HERC2: variants seen among roughly 807,000 people sequenced by gnomAD.
The protein encoded by HERC2 is E3 ubiquitin-protein ligase HERC2.
HERC2 carries 102 observed loss-of-function variants against 537.7 expected under a neutral mutation model. That is an observed-to-expected ratio of 0.19 (90% CI 0.16 to 0.22). HERC2 has a LOEUF of 0.22. Among genes scored for constraint, HERC2 ranks in the 10% least tolerant of loss-of-function variants. The pLI is 1.00. For missense variants in HERC2, 4,236 were observed against 6,198.2 expected (o/e 0.68, Z 10.63); for synonymous variants, 2,224 against 2,466.2 (o/e 0.90, Z 2.91).
chr15:28,188,121 GA>G (rs1237839102), intron 55 of HERC2, among the ~76,000 whole-genome samples: 1 of 150,748 alleles, frequency 6.6e-6, no homozygotes, highest in Non-Finnish European at 1.5e-5. Flanking sequence ...TCTTTAGCAA[GA>G]AAAAAAACCA....
intron 2 of HERC2, among the ~76,000 whole-genome samples, chr15:28,308,033 G>C (rs2076839720): frequency 6.6e-6 from 1 of 151,554 alleles, no homozygotes; most frequent in Admixed American, 6.6e-5. Flanking sequence ...GGCTATTCTG[G>C]GTCTTTTGTG....
At chr15:28,272,085 C>T (rs2075745182) in intron 9 of HERC2, 130 bp downstream of exon 9, 2 of 806,414 alleles carry the variant, frequency 2.5e-6, no homozygotes, top group Non-Finnish European at 3.9e-6. Flanking sequence ...TCTCATCTGA[C>T]TCGCTGCTAT....
At chr15:28,318,801 A>G (rs1211905008) in intron 2 of HERC2, among the ~76,000 whole-genome samples, 16 of 151,594 alleles carry the variant, frequency 1.1e-4, no homozygotes, top group Admixed American at 2.6e-4. Flanking sequence ...CACAAGCATT[A>G]TAAGTTTTCA....
At chr15:28,189,614 G>C (rs1249587479) in intron 55 of HERC2, among the ~76,000 whole-genome samples, 1 of 152,078 alleles carries the variant, frequency 6.6e-6, no homozygotes, top group African/African-American at 2.4e-5. Context: ...CAGAATAAAT[G>C]GTAACTACTG....
At chr15:28,208,764 G>A (rs1475167974) in intron 44 of HERC2, among the ~76,000 whole-genome samples, 2 of 152,140 alleles carry the variant, frequency 1.3e-5, no homozygotes, top group Non-Finnish European at 2.9e-5. Flanking sequence ...GCATCTGTCT[G>A]CCACAGCCTT....
In HERC2 at chr15:28,144,067, T is replaced by C; in HGVS notation, c.11299+10A>G. The C allele has an allele frequency of 6.2e-7, 1 of 1,614,078 alleles. No individual in the cohort carries two copies. The highest frequency in any genetic ancestry group is 8.5e-7 in the Non-Finnish European group (1 of 1,180,018). On this transcript the variant is annotated intron_variant, in intron 73 of 92. Transcript: ENST00000261609. ...AGGAAGACAGATGTAACTGTAATGG[T>C]GGCATTTACCTAGGGCACTCAGCTG...
chr15:28,293,156 C>G, intron 3 of HERC2, 134 bp from the exon 4 acceptor site: 2 of 744,282 alleles, frequency 2.7e-6, no homozygotes, highest in Non-Finnish European at 4.4e-6. Flanking sequence ...AAATAAAATA[C>G]ATCAATCATA....
At chr15:28,243,339 A>T (rs1404695932) in intron 23 of HERC2, among the ~76,000 whole-genome samples, 1 of 152,228 alleles carries the variant, frequency 6.6e-6, no homozygotes, top group African/African-American at 2.4e-5. Context: ...CTGGGTAAGA[A>T]AAAGATTTCT....
chr15:28,210,259 A>G (rs765755507), intron 44 of HERC2, among the ~76,000 whole-genome samples: 101 of 152,096 alleles, frequency 6.6e-4, no homozygotes, highest in Admixed American at 9.2e-4. Context: ...TCAGCCTCCC[A>G]AGTAGCTAGA....
chr15:28,316,890 C>A (rs190823527), intron 2 of HERC2, among the ~76,000 whole-genome samples: 1 of 152,206 alleles, frequency 6.6e-6, no homozygotes, highest in East Asian at 1.9e-4. Context: ...GATTCTCCTG[C>A]CTCAGCCTCC....
rs999489021 is a variant in HERC2, at chr15:28,265,274, C to T, written c.1870+344G>A. Reference sequence around the variant, plus strand: ...CATCAGACTACAGAACACAGAAAGACTTAGCAGGAATTACCACAGGGAATC... The same window carrying T: ...CATCAGACTACAGAACACAGAAAGATTTAGCAGGAATTACCACAGGGAATC... On this transcript the variant is annotated intron_variant, in intron 14 of 92. Transcript: ENST00000261609. This position sits in a 1 kb window ranked among gnomAD's most constrained non-coding sequence, Gnocchi z 4.0. 1.3e-5 allele frequency among the ~76,000 whole-genome samples: 2 copies of T among 152,160 alleles called. No individual in the cohort carries two copies. Among genetic ancestry groups the T allele is most frequent in the African/African-American group, 4.8e-5 (2 of 41,426 alleles).
chr15:28,134,275 A>G (rs956187189), intron 79 of HERC2, among the ~76,000 whole-genome samples: 10 of 152,228 alleles, frequency 6.6e-5, no homozygotes, highest in African/African-American at 2.4e-4. Context: ...GGTTACGTAT[A>G]TGTATACGTA....
chr15:28,233,916 T>C (rs1902150320), intron 27 of HERC2, 120 bp from the exon 28 acceptor site: 2 of 774,468 alleles, frequency 2.6e-6, no homozygotes, highest in Non-Finnish European at 4.4e-6. Flanking sequence ...CTCGCTAGCA[T>C]GTTAACACAA....
rs760525874 is a variant in HERC2 at position 28,169,526 on chromosome 15, G to C, written c.10187C>G (p.Ala3396Gly). The change falls in exon 66 of 93, where the codon GCC becomes GGC. Residue 3396 changes from alanine (A) to glycine (G), a missense_variant. Around this residue, in one of 27 missense-constraint regions of HERC2, gnomAD observed 356 missense variants for 450.9 expected, o/e 0.79. Coordinates refer to ENST00000261609, the MANE Select transcript of HERC2 (RefSeq NM_004667.6). The part of the protein sequence containing the change: ...SLDGNLAKQQ[A>G]LSHILTALQI... The stretch of plus-strand genomic sequence containing the variant: ...CAATGCTGTAAGAATATGTGATAAG[G>C]CCTGCTGTTTGGCCAGATTTCCATC... 23 of 1,611,358 alleles carry C rather than the reference G, an allele frequency of 1.4e-5. No individual in the cohort carries two copies. Among genetic ancestry groups the C allele is most frequent in the Non-Finnish European group, 2.0e-5 (23 of 1,177,844 alleles).
intron 44 of HERC2, among the ~76,000 whole-genome samples, chr15:28,207,136 G>C (rs1898565843): frequency 7.3e-6 from 1 of 137,788 alleles, no homozygotes; most frequent in South Asian, 2.2e-4. Context: ...CACTTGGTCT[G>C]ATTCTTTCTC....
At chr15:28,217,026 A>G (rs1431075934) in intron 38 of HERC2, among the ~76,000 whole-genome samples, 1 of 152,100 alleles carries the variant, frequency 6.6e-6, no homozygotes, top group African/African-American at 2.4e-5. Context: ...ACGCATTCAC[A>G]ATAACATCAC....
intron 4 of HERC2, among the ~76,000 whole-genome samples, chr15:28,281,700 C>T (rs943679393): frequency 5.9e-5 from 9 of 152,152 alleles, no homozygotes; most frequent in Non-Finnish European, 1.2e-4. Flanking sequence ...TTATTTAAAA[C>T]GACATGAAGA....
Position 28,130,607 on chromosome 15 carries a change from A to G in HERC2, c.12571-13T>C, listed in dbSNP as rs1890007137. The G allele has an allele frequency of 1.9e-6, 3 of 1,584,600 alleles. No homozygotes were observed. The highest frequency in any genetic ancestry group is 1.7e-6 in the Non-Finnish European group (2 of 1,153,142). ...TAAGAGAATCAATCTAGAGGGGGAAAAGGTTCAATTAGACAGACAGCAACA... is the reference window on the plus strand; with the variant it reads ...TAAGAGAATCAATCTAGAGGGGGAAGAGGTTCAATTAGACAGACAGCAACA... On this transcript the variant is annotated splice_polypyrimidine_tract_variant and intron_variant, in intron 81 of 92. Coordinates refer to ENST00000261609, the MANE Select transcript of HERC2 (RefSeq NM_004667.6).
chr15:28,146,216 T>G, intron 71 of HERC2, 21 bp downstream of exon 71: 1 of 1,560,370 alleles, frequency 6.4e-7, no homozygotes, highest in South Asian at 1.1e-5. Flanking sequence ...GATCATGCCC[T>G]GCTCAACCTC....
Sources: gnomAD v4.1 joint callset for allele counts (sites outside exome capture counted in the v4.1 genomes callset) on GRCh38, gnomAD v4.1.1 for gene constraint, gnomAD v4.1.1 regional missense constraint, Gnocchi (gnomAD v3.1) non-coding constraint, MANE v1.5 for transcripts, NCBI Gene and HGNC (gene_info 2026-07-23, HGNC 2026-07-21) for gene names.